LNX1: variants seen among roughly 807,000 people sequenced by gnomAD.
LNX1 encodes E3 ubiquitin-protein ligase LNX.
LNX1 carries 54 observed loss-of-function variants against 68.4 expected under a neutral mutation model. The ratio of observed to expected loss-of-function variants is 0.79; its 90% CI spans 0.63 to 0.99. The LOEUF (loss-of-function observed/expected upper bound fraction) is 0.99. Among genes scored for constraint, LNX1 ranks in the 50% least tolerant of loss-of-function variants. The probability of loss-of-function intolerance (pLI) is 0.00; values close to 1 mark genes in which losing one functional copy is unlikely to be tolerated. For missense variants in LNX1, 906 were observed against 926.4 expected (o/e 0.98, Z 0.29); for synonymous variants, 336 against 350.0 (o/e 0.96, Z 0.45).
rs73816216 is a variant in LNX1, at chr4:53,589,481, C to T, written c.-87+1907G>A. On this transcript the variant is annotated intron_variant, in intron 1 of 10. Transcript: ENST00000263925. ...AGTCAGACTCTCTCCTCCAAGCAAC[C>T]TAGGAAAATTCCTTCCAAAGGAAGA... 2.1e-3 allele frequency among the ~76,000 whole-genome samples: 322 copies of T among 152,298 alleles called. 1 individual carries two copies. Among genetic ancestry groups the T allele is most frequent in the African/African-American group, 7.5e-3 (311 of 41,556 alleles).
At chr4:53,589,849 C>G (rs1732397971) in intron 1 of LNX1, among the ~76,000 whole-genome samples, 1 of 152,188 alleles carries the variant, frequency 6.6e-6, no homozygotes, top group Admixed American at 6.5e-5. Flanking sequence ...CTTTCTTCTA[C>G]CTGGGGGTAC....
intron 2 of LNX1, among the ~76,000 whole-genome samples, chr4:53,509,785 T>C (rs1375734859): frequency 3.3e-5 from 5 of 152,218 alleles, no homozygotes; most frequent in African/African-American, 1.2e-4. Flanking sequence ...GTGTGATTGA[T>C]GGGGTTGTGA....
intron 2 of LNX1, among the ~76,000 whole-genome samples, chr4:53,536,440 G>A (rs1342777069): frequency 6.6e-6 from 1 of 152,108 alleles, no homozygotes; most frequent in African/African-American, 2.4e-5. Flanking sequence ...TCTAGGAATG[G>A]TGCCTAGATC....
In LNX1 at chr4:53,552,629, G is replaced by T. The variant is rs141038361; in HGVS notation, c.380+20994C>A. Among the ~76,000 whole-genome samples the T allele has an allele frequency of 9.3e-3, 1,415 of 152,170 alleles. 17 individuals carry two copies. The highest frequency in any genetic ancestry group is 0.032 in the African/African-American group (1,332 of 41,496). Reference sequence around the variant, plus strand: ...GGATCACCTGAGATCAGGAGTTCGAGACCAGCCTGACCAATATGGTGAAAC... The same window carrying T: ...GGATCACCTGAGATCAGGAGTTCGATACCAGCCTGACCAATATGGTGAAAC... On this transcript the variant is annotated intron_variant, in intron 2 of 10. Transcript: ENST00000263925.
At position 53,496,198 on chromosome 4, in the gene LNX1, TG is replaced by T. The variant is rs1725045918; in HGVS notation, c.1174del (p.Gln392SerfsTer4). 1.9e-6 allele frequency: 3 copies of T among 1,614,116 alleles called. No individual in the cohort carries two copies. The highest frequency in any genetic ancestry group is 2.5e-6 in the Non-Finnish European group (3 of 1,180,004). On this transcript the variant is annotated frameshift_variant, in exon 6 of 11. Coordinates refer to ENST00000263925, the MANE Select transcript of LNX1 (RefSeq NM_001126328.3). LOFTEE classifies it high-confidence loss of function. ...VILNKSSPEE[Q>X]LGIKLVRKVD... Reference sequence around the variant, plus strand: ...CTTGCGCACCAGTTTTATTCCAAGCTGCTCCTCGGGGCTACTTTTGTTGAGA... The same window carrying T: ...CTTGCGCACCAGTTTTATTCCAAGCTCTCCTCGGGGCTACTTTTGTTGAGA...
intron 1 of LNX1, among the ~76,000 whole-genome samples, chr4:53,640,408 T>G (rs1734634479): frequency 6.6e-6 from 1 of 152,148 alleles, no homozygotes; most frequent in Non-Finnish European, 1.5e-5. Flanking sequence ...CTCTGTAGCC[T>G]TCTCAGTAAA....
chr4:53,609,815 A>T (rs1165096523), intron 2 of LNX1, among the ~76,000 whole-genome samples: 1 of 146,480 alleles, frequency 6.8e-6, no homozygotes, highest in Non-Finnish European at 1.5e-5. Flanking sequence ...AATAACATCA[A>T]TATAAAATTT....
chr4:53,535,743 C>T (rs1183425589), intron 2 of LNX1, among the ~76,000 whole-genome samples: 1 of 152,138 alleles, frequency 6.6e-6, no homozygotes, highest in African/African-American at 2.4e-5. Flanking sequence ...TAGTCTATTC[C>T]CTGCCTTTAT....
chr4:53,619,303 T>C (rs1239856564), upstream of LNX1, among the ~76,000 whole-genome samples: 2 of 152,198 alleles, frequency 1.3e-5, no homozygotes, highest in African/African-American at 2.4e-5. Flanking sequence ...AACACTTTCA[T>C]TATCCCCCAA....
chr4:53,625,842 CCCGTGTGTGTGTGTGTGT>C (rs1560698793), intron 1 of LNX1, among the ~76,000 whole-genome samples: 1 of 50,490 alleles, frequency 2.0e-5, no homozygotes, highest in Non-Finnish European at 4.9e-5. Flanking sequence ...GCAATTCCAC[CCCGTGTGTGTGTGTGTGT>C]GTGTGTGTGT....
At chr4:53,486,284 C>T (rs904234911) in intron 6 of LNX1, among the ~76,000 whole-genome samples, 1 of 133,562 alleles carries the variant, frequency 7.5e-6, no homozygotes, top group South Asian at 2.9e-4. Context: ...GCCACCCAAT[C>T]GGCAGAGCGC....
exon 1 of LNX1, chr4:53,652,175 G>C (rs1735135231): frequency 1.3e-5 from 2 of 152,180 alleles, no homozygotes; most frequent in African/African-American, 4.8e-5. Context: ...TACCTTTGCT[G>C]TATTGCGGAT....
intron 4 of LNX1, among the ~76,000 whole-genome samples, chr4:53,500,660 G>T (rs1228618010): frequency 1.3e-5 from 2 of 152,216 alleles, no homozygotes; most frequent in African/African-American, 4.8e-5. Flanking sequence ...GTAAATGTGG[G>T]TCCTTAATCT....
At chr4:53,599,475 T>A (rs1183391269) in intron 2 of LNX1, among the ~76,000 whole-genome samples, 1 of 152,218 alleles carries the variant, frequency 6.6e-6, no homozygotes, top group Non-Finnish European at 1.5e-5. Flanking sequence ...ACCATAAAAA[T>A]GGGCAACCAG....
chr4:53,581,724 G>T (rs1360686182), intron 1 of LNX1, among the ~76,000 whole-genome samples: 1 of 152,098 alleles, frequency 6.6e-6, no homozygotes, highest in Non-Finnish European at 1.5e-5. Context: ...ACCTCCCCTT[G>T]CGTCCCTCCC....
chr4:53,617,321 T>G (rs1280860067), exon 1 of LNX1: 1 of 152,208 alleles, frequency 6.6e-6, no homozygotes, highest in African/African-American at 2.4e-5. Context: ...ACAGCTTTCA[T>G]TTTTGAAGGT....
chr4:53,477,526 C>T (rs966731123), intron 8 of LNX1, among the ~76,000 whole-genome samples: 1 of 152,262 alleles, frequency 6.6e-6, no homozygotes, highest in South Asian at 2.1e-4. Context: ...ATTGGTTAAG[C>T]GCCTACTATG....
intron 2 of LNX1, among the ~76,000 whole-genome samples, chr4:53,537,737 C>T (rs1436432528): frequency 2.0e-5 from 3 of 152,172 alleles, no homozygotes; most frequent in Non-Finnish European, 2.9e-5. Context: ...GCCCCGAGTT[C>T]CACAGGAGCC....
chr4:53,546,055 C>A (rs1729097713), intron 2 of LNX1, among the ~76,000 whole-genome samples: 2 of 151,978 alleles, frequency 1.3e-5, no homozygotes, highest in South Asian at 4.1e-4. Context: ...GATCCACCCA[C>A]CTCAGCCTCC....
Sources: gnomAD v4.1 joint callset for allele counts (sites outside exome capture counted in the v4.1 genomes callset) on GRCh38, gnomAD v4.1.1 for gene constraint, MANE v1.5 for transcripts, NCBI Gene and HGNC (gene_info 2026-07-23, HGNC 2026-07-21) for gene names.